Variants in ZFHX3 observed in about 807,000 individuals in gnomAD.
ZFHX3 encodes zinc finger homeobox protein 3.
Under a neutral mutation model 279.1 loss-of-function variants are expected in ZFHX3, and 42 were observed. The observed-to-expected ratio is 0.15, with a 90% CI of 0.12 to 0.19. The LOEUF is 0.19. Ranked by LOEUF, ZFHX3 falls within the 10% of genes least tolerant of loss-of-function variation. ZFHX3 has a pLI of 1.00. For missense variants in ZFHX3, 4,981 were observed against 4,754.0 expected, an observed-to-expected ratio of 1.05 and a Z score of -1.40; for synonymous variants, 2,293 against 1,957.8, an observed-to-expected ratio of 1.17 and a Z score of -4.52.
At chr16:72,938,521 G>A (rs1960240869) in intron 3 of ZFHX3, among the ~76,000 whole-genome samples, 1 of 152,226 alleles carries the variant, frequency 6.6e-6, no homozygotes, top group Admixed American at 6.5e-5. Context: ...GCAGCGGGAA[G>A]GGAGAGGGAG....
intron 8 of ZFHX3, among the ~76,000 whole-genome samples, chr16:73,068,703 A>G (rs757370978): frequency 2.1e-4 from 32 of 152,224 alleles, no homozygotes; most frequent in Non-Finnish European, 2.9e-5. Context: ...GGATGATCAG[A>G]TGACCAACTG....
At chr16:73,501,891 C>T (rs985800721) in intron 2 of ZFHX3, among the ~76,000 whole-genome samples, 1 of 152,122 alleles carries the variant, frequency 6.6e-6, no homozygotes, top group African/African-American at 2.4e-5. Flanking sequence ...CCGACAGTAG[C>T]CTCCTTACCT....
exon 1 of ZFHX3, chr16:73,058,565 G>A (rs1965622165): frequency 4.5e-6 from 1 of 220,668 alleles, no homozygotes; most frequent in Non-Finnish European, 8.7e-6. Flanking sequence ...CTGCAGCGGC[G>A]CTGCTGGCGA....
chr16:73,411,287 T>C (rs2017461076), intron 3 of ZFHX3, among the ~76,000 whole-genome samples: 1 of 152,232 alleles, frequency 6.6e-6, no homozygotes, highest in Non-Finnish European at 1.5e-5. Flanking sequence ...AGATTAGCAA[T>C]TAAATTTTAT....
chr16:73,218,924 C>T (rs1458481846), intron 5 of ZFHX3, among the ~76,000 whole-genome samples: 1 of 152,116 alleles, frequency 6.6e-6, no homozygotes, highest in Non-Finnish European at 1.5e-5. Flanking sequence ...GGTGGAAACC[C>T]CATACCTATC....
chr16:73,647,657 A>C (rs368609243), intron 2 of ZFHX3, among the ~76,000 whole-genome samples: 5 of 152,268 alleles, frequency 3.3e-5, no homozygotes, highest in African/African-American at 1.2e-4. Context: ...TAGACTATAC[A>C]TTAAAGTTAT....
intron 2 of ZFHX3, among the ~76,000 whole-genome samples, chr16:73,615,713 G>A (rs746001874): frequency 2.0e-5 from 3 of 152,210 alleles, no homozygotes; most frequent in Non-Finnish European, 4.4e-5. Flanking sequence ...TATTTGCAGA[G>A]ACGTAATTTT....
At chr16:73,358,363 G>C (rs747639477) in intron 3 of ZFHX3, among the ~76,000 whole-genome samples, 6 of 152,242 alleles carry the variant, frequency 3.9e-5, no homozygotes, top group Non-Finnish European at 5.9e-5. Flanking sequence ...CACTTGCTCT[G>C]ATGTGAGCTG....
intron 4 of ZFHX3, among the ~76,000 whole-genome samples, chr16:73,295,367 C>T (rs893044063): frequency 2.0e-5 from 3 of 152,182 alleles, no homozygotes; most frequent in Admixed American, 6.5e-5. Flanking sequence ...TGTTAGAAAA[C>T]GAAACTTGGT....
chr16:73,107,988 A>C (rs8051973), intron 7 of ZFHX3, among the ~76,000 whole-genome samples: 123,961 of 151,894 alleles, frequency 0.82, 50,864 homozygotes, highest in Middle Eastern at 0.89. Context: ...AGTGAAACCC[A>C]GTCTCTACTA....
At chr16:73,836,747 A>C (rs577193109) in intron 1 of ZFHX3, among the ~76,000 whole-genome samples, 2 of 152,298 alleles carry the variant, frequency 1.3e-5, no homozygotes, top group African/African-American at 4.8e-5. Flanking sequence ...TCACGATGAA[A>C]CTTAATTGCC....
At chr16:72,911,486 T>G (rs2039314508) in intron 3 of ZFHX3, among the ~76,000 whole-genome samples, 1 of 152,192 alleles carries the variant, frequency 6.6e-6, no homozygotes, top group Non-Finnish European at 1.5e-5. Flanking sequence ...TAGGGCTTGC[T>G]GAATGCAGTG....
chr16:73,636,691 T>G (rs1388586972), intron 2 of ZFHX3, among the ~76,000 whole-genome samples: 1 of 152,172 alleles, frequency 6.6e-6, no homozygotes, highest in Non-Finnish European at 1.5e-5. Flanking sequence ...ATTTAAAATG[T>G]ATTAAATGTG....
chr16:73,430,244 A>G (rs1027162083), intron 3 of ZFHX3, among the ~76,000 whole-genome samples: 10 of 152,176 alleles, frequency 6.6e-5, no homozygotes, highest in African/African-American at 2.4e-4. Context: ...TGAGGTTGCC[A>G]GGTACACTAG....
intron 8 of ZFHX3, chr16:73,083,274 T>A (rs1437943184): frequency 1.3e-5 from 2 of 152,192 alleles, no homozygotes; most frequent in African/African-American, 2.4e-5. Flanking sequence ...AACATGCAGA[T>A]AAAACCTGAG....
chr16:73,309,214 A>G (rs538326007), intron 4 of ZFHX3, among the ~76,000 whole-genome samples: 134 of 151,904 alleles, frequency 8.8e-4, no homozygotes, highest in African/African-American at 2.6e-3. Flanking sequence ...GTTTTTTTGG[A>G]TCCTCTCCCT....
intron 2 of ZFHX3, chr16:73,504,243 A>G (rs1437206590): frequency 2.0e-5 from 3 of 152,172 alleles, no homozygotes; most frequent in Non-Finnish European, 2.9e-5. Context: ...TTAAATAGCT[A>G]TAGAATAAAC....
intron 2 of ZFHX3, among the ~76,000 whole-genome samples, chr16:73,603,423 AT>A (rs1321541378): frequency 4.6e-5 from 7 of 152,242 alleles, no homozygotes; most frequent in African/African-American, 1.7e-4. Context: ...ATTAAATGTA[AT>A]TAAGACATTG....
At position 73,885,851 on chromosome 16, in the gene ZFHX3, AC is replaced by A. The variant is rs149385075; in HGVS notation, c.-1608+5799del. 8.6e-3 allele frequency among the ~76,000 whole-genome samples: 1,302 copies of A among 152,202 alleles called. 22 individuals are homozygous for A. The highest frequency in any genetic ancestry group is 0.029 in the African/African-American group (1,213 of 41,532). ...CACTGCAAGTCACTTTCACTCCCAG[AC>A]CCTGATGCACCCACGCCCATCAAAA... On this transcript the variant is annotated intron_variant, in intron 1 of 17. Transcript: ENST00000641206.
Sources: allele counts gnomAD v4.1 joint callset (sites outside exome capture counted in the v4.1 genomes callset), GRCh38; gene constraint gnomAD v4.1.1; transcripts MANE v1.5; gene names NCBI Gene and HGNC (gene_info 2026-07-23, HGNC 2026-07-21).